The following WWOX variants were observed in gnomAD, a reference collection of about 807,000 sequenced individuals.
WWOX encodes the protein WW domain containing oxidoreductase.
A neutral mutation model predicts 46.2 loss-of-function variants in WWOX; 69 were observed. The observed-to-expected ratio is 1.49, with a 90% CI of 1.23 to 1.82. The LOEUF (loss-of-function observed/expected upper bound fraction) is 1.82. Among genes scored for constraint, WWOX ranks in the 40% most tolerant of loss-of-function variants. The pLI is 0.00. For missense variants in WWOX, 919 were observed against 542.6 expected (o/e 1.69, Z -6.89); for synonymous variants, 359 against 202.6 (o/e 1.77, Z -6.56).
At chr16:78,919,856 T>G (rs980564887) in intron 8 of WWOX, among the ~76,000 whole-genome samples, 3 of 152,152 alleles carry the variant, frequency 2.0e-5, no homozygotes, top group Non-Finnish European at 2.9e-5. Flanking sequence ...GGAGACACAG[T>G]GTGTGCCAAA....
chr16:78,783,203 C>G (rs377186703), intron 8 of WWOX, among the ~76,000 whole-genome samples: 3 of 152,222 alleles, frequency 2.0e-5, no homozygotes, highest in African/African-American at 7.2e-5. Flanking sequence ...ATTGGAGATA[C>G]ATGCACCAGA....
intron 8 of WWOX, among the ~76,000 whole-genome samples, chr16:78,927,984 G>C (rs902261307): frequency 6.6e-6 from 1 of 151,840 alleles, no homozygotes; most frequent in Non-Finnish European, 1.5e-5. Flanking sequence ...TTTTGTGTGT[G>C]TGTGTATGTG....
intron 8 of WWOX, among the ~76,000 whole-genome samples, chr16:78,466,833 G>C (rs924985129): frequency 6.6e-6 from 1 of 152,040 alleles, no homozygotes; most frequent in African/African-American, 2.4e-5. Context: ...GGGCAACAGA[G>C]CGAGACTCCG....
At chr16:78,419,033 C>A (rs916608469) in intron 6 of WWOX, among the ~76,000 whole-genome samples, 1 of 152,078 alleles carries the variant, frequency 6.6e-6, no homozygotes, top group African/African-American at 2.4e-5. Flanking sequence ...AATGAAATCA[C>A]CTTATCTGTA....
chr16:78,340,880 T>C (rs1597063488), intron 5 of WWOX, among the ~76,000 whole-genome samples: 1 of 118,870 alleles, frequency 8.4e-6, no homozygotes, highest in African/African-American at 2.9e-5. Flanking sequence ...CTGTTTATGT[T>C]CTCTTCTGAT....
chr16:78,532,376 G>A (rs147258851), intron 8 of WWOX, among the ~76,000 whole-genome samples: 1 of 152,204 alleles, frequency 6.6e-6, no homozygotes, highest in African/African-American at 2.4e-5. Flanking sequence ...CCCACTCAGA[G>A]CCTTGAAATC....
intron 8 of WWOX, among the ~76,000 whole-genome samples, chr16:79,046,089 A>C (rs1413884805): frequency 6.6e-6 from 1 of 152,052 alleles, no homozygotes; most frequent in Non-Finnish European, 1.5e-5. Context: ...GGCATAAGCC[A>C]CTGCACCCGG....
chr16:78,952,384 GTT>G (rs11449740), intron 8 of WWOX, among the ~76,000 whole-genome samples: 5 of 141,840 alleles, frequency 3.5e-5, no homozygotes, highest in East Asian at 2.0e-4. Context: ...TGTTTTTTGA[GTT>G]TTTTTTTTTT....
At chr16:78,401,142 T>G (rs1339940708) in intron 6 of WWOX, among the ~76,000 whole-genome samples, 1 of 152,206 alleles carries the variant, frequency 6.6e-6, no homozygotes, top group Non-Finnish European at 1.5e-5. Flanking sequence ...TTGAAGAGAA[T>G]GATAGACCTT....
intron 8 of WWOX, chr16:79,101,680 T>G (rs1309514671): frequency 6.6e-6 from 1 of 151,330 alleles, no homozygotes; most frequent in Non-Finnish European, 1.5e-5. Flanking sequence ...ACAGAAACTT[T>G]CCAAAGGGAA....
chr16:78,645,338 G>T (rs2046814413), intron 8 of WWOX, among the ~76,000 whole-genome samples: 1 of 152,076 alleles, frequency 6.6e-6, no homozygotes, highest in South Asian at 2.1e-4. Flanking sequence ...GACCACCCAT[G>T]GGTGGCTTAC....
chr16:78,291,176 CAT>C (rs1378858282), intron 5 of WWOX, among the ~76,000 whole-genome samples: 1 of 152,126 alleles, frequency 6.6e-6, no homozygotes, highest in African/African-American at 2.4e-5. Context: ...GTTGAGATGA[CAT>C]ATTTTTATCT....
intron 8 of WWOX, among the ~76,000 whole-genome samples, chr16:78,927,227 C>G (rs986631190): frequency 1.3e-5 from 2 of 152,194 alleles, no homozygotes; most frequent in Non-Finnish European, 2.9e-5. Context: ...TTTTCAATGC[C>G]TGGCTGGTTG....
chr16:79,028,064 G>C (rs917523004), intron 8 of WWOX, among the ~76,000 whole-genome samples: 1 of 151,668 alleles, frequency 6.6e-6, no homozygotes, highest in South Asian at 2.1e-4. Context: ...CCATTCTCCT[G>C]CTCTGCCTCC....
chr16:78,674,740 T>C (rs1471829877), intron 8 of WWOX, among the ~76,000 whole-genome samples: 1 of 151,982 alleles, frequency 6.6e-6, no homozygotes, highest in Non-Finnish European at 1.5e-5. Context: ...TCTTTCACTA[T>C]GACTGCAACT....
chr16:79,206,042 T>C (rs1370823900), intron 8 of WWOX: 1 of 152,188 alleles, frequency 6.6e-6, no homozygotes, highest in Non-Finnish European at 1.5e-5. Context: ...TCACTTGCTG[T>C]TGGATCATCG....
At chr16:78,674,912 A>G (rs2047555662) in intron 8 of WWOX, among the ~76,000 whole-genome samples, 1 of 151,972 alleles carries the variant, frequency 6.6e-6, no homozygotes, top group Admixed American at 6.6e-5. Flanking sequence ...CAAGTTCAAG[A>G]CCAAGGTGTA....
chr16:79,012,758 C>T (rs529274491), intron 8 of WWOX, among the ~76,000 whole-genome samples: 1 of 152,230 alleles, frequency 6.6e-6, no homozygotes, highest in African/African-American at 2.4e-5. Context: ...TGGTGGCCAG[C>T]CAGCCCCTGA....
At chr16:78,526,422 A>C (rs1414056509) in intron 8 of WWOX, 1 of 152,208 alleles carries the variant, frequency 6.6e-6, no homozygotes, top group Non-Finnish European at 1.5e-5. Flanking sequence ...CCAAAGGTAC[A>C]TGTTGAAATA....
Sources: allele counts gnomAD v4.1 joint callset (sites outside exome capture counted in the v4.1 genomes callset), GRCh38; gene constraint gnomAD v4.1.1; transcripts MANE v1.5; gene names NCBI Gene and HGNC (gene_info 2026-07-23, HGNC 2026-07-21).